MYOM1: variants seen among roughly 807,000 people sequenced by gnomAD.
MYOM1 encodes myomesin 1, also known as myomesin-1.
Under a neutral mutation model 205.3 loss-of-function variants are expected in MYOM1, and 164 were observed. The observed-to-expected ratio is 0.80, with a 90% CI of 0.70 to 0.91. The LOEUF (loss-of-function observed/expected upper bound fraction) is 0.91. MYOM1 is among the 40% of genes least tolerant of loss of function. The pLI is 0.00. For synonymous variants in MYOM1, 772 were observed against 789.4 expected (o/e 0.98, Z 0.37); for missense variants, 2,011 against 2,127.3 (o/e 0.95, Z 1.08).
intron 22 of MYOM1, among the ~76,000 whole-genome samples, chr18:3,104,264 C>T (rs1425846907): frequency 6.6e-6 from 1 of 152,076 alleles, no homozygotes; most frequent in Non-Finnish European, 1.5e-5. Flanking sequence ...GTGACTGAGT[C>T]ACAGAAAGAA....
At position 3,089,227 on chromosome 18, in the gene MYOM1, C is replaced by T. The variant is rs764467818; in HGVS notation, c.4084G>A (p.Glu1362Lys). 1 of 1,611,496 alleles carries T rather than the reference C, an allele frequency of 6.2e-7. No homozygotes were observed. The highest frequency in any genetic ancestry group is 1.1e-5 in the South Asian group (1 of 90,796). Residue 1362 changes from glutamate to lysine, a missense_variant, in exon 29 of 38, where the codon GAG becomes AAG. Transcript: ENST00000356443. ...WIRKQGPHFV[E>K]YLSWEVTGEC... ...CCAGTCACTTCCCAGCTCAAATACT[C>T]AACAAAGTGAGGACCTATAAAATTT...
Position 3,100,424 on chromosome 18 carries a change from G to A in MYOM1, c.3578C>T (p.Thr1193Met), listed in dbSNP as rs755768408. 87 of 1,611,832 alleles carry A rather than the reference G, an allele frequency of 5.4e-5. No individual in the cohort carries two copies. The highest frequency in any genetic ancestry group is 6.7e-5 in the Admixed American group (4 of 59,878). Reference protein sequence around the residue: ...RLEVESKGNKTKMTFKDLGMD... With the variant: ...RLEVESKGNKMKMTFKDLGMD... ...CCCAAGGTCTTTGAAGGTCATTTTC[G>A]TCCTTCGGAACAAAATATTTTTCTT... The change falls in exon 24 of 38, where the codon ACG (threonine) becomes ATG (methionine). Residue 1193 changes from threonine to methionine, a missense_variant and splice_region_variant. Physicochemically the swap from Thr to Met is moderately conservative, Grantham distance 81. Coordinates refer to ENST00000356443, the MANE Select transcript of MYOM1 (RefSeq NM_003803.4).
chr18:3,152,015 G>A lies in MYOM1; in HGVS notation c.1644-122C>T, dbSNP rs889891269. 3.3e-5 allele frequency: 32 copies of A among 979,368 alleles called. No individual in the cohort carries two copies. The highest frequency in any genetic ancestry group is 2.8e-4 in the African/African-American group (17 of 61,152). The allele number at this position is 979,368 out of a possible 1,614,324, so 60.7% of individuals were successfully genotyped here. On this transcript the variant is annotated intron_variant, in intron 11 of 37. Transcript: ENST00000356443. The surrounding 1 kb of genome is among the most constrained non-coding windows in gnomAD (Gnocchi z 4.3). ...TCCCTATAAAATATCCAAGTCAGGCGTGGCTCGCTACCTGGTGAACTGCAT... is the reference window on the plus strand; with the variant it reads ...TCCCTATAAAATATCCAAGTCAGGCATGGCTCGCTACCTGGTGAACTGCAT...
chr18:3,184,221 T>A (rs1301282919), intron 5 of MYOM1, among the ~76,000 whole-genome samples: 1 of 152,090 alleles, frequency 6.6e-6, no homozygotes, highest in Non-Finnish European at 1.5e-5. Flanking sequence ...AATGACTTTT[T>A]AAAAACATGC....
chr18:3,109,282 C>A (rs1361313666), intron 22 of MYOM1, among the ~76,000 whole-genome samples: 1 of 152,182 alleles, frequency 6.6e-6, no homozygotes, highest in Non-Finnish European at 1.5e-5. Context: ...CGTACCTAGC[C>A]AAATTTTCTC....
At chr18:3,078,599 T>G (rs1236802526) in intron 34 of MYOM1, among the ~76,000 whole-genome samples, 2 of 152,056 alleles carry the variant, frequency 1.3e-5, no homozygotes, top group African/African-American at 4.8e-5. Flanking sequence ...TTGGCTAATT[T>G]CTTAAAATTT....
intron 36 of MYOM1, 59 bp from the exon 37 acceptor site, chr18:3,071,948 A>C: frequency 6.9e-6 from 10 of 1,441,044 alleles, no homozygotes; most frequent in Admixed American, 1.9e-5. Flanking sequence ...GGTCATACTC[A>C]CAAAACCACC....
intron 2 of MYOM1, among the ~76,000 whole-genome samples, chr18:3,205,716 T>C (rs982776955): frequency 1.3e-5 from 2 of 152,228 alleles, no homozygotes; most frequent in African/African-American, 4.8e-5. Context: ...TTTCAGAAAG[T>C]GCACGAGAAA....
rs368489143 is a variant in MYOM1 at position 3,169,689 on chromosome 18, G to A, written c.1175-708C>T. ...TGTGGAGACAAGGAAACCCTCTTAC[G>A]CTGTTGGTGGGAACGTAAATTAGTA... On this transcript the variant is annotated intron_variant, in intron 8 of 37. Coordinates refer to ENST00000356443, the MANE Select transcript of MYOM1 (RefSeq NM_003803.4). 9.6e-4 allele frequency among the ~76,000 whole-genome samples: 146 copies of A among 152,260 alleles called. No individual in the cohort carries two copies. The South Asian group carries it at 0.023, about 24-fold the overall frequency.
intron 25 of MYOM1, among the ~76,000 whole-genome samples, chr18:3,099,404 T>C (rs9955413): frequency 0.37 from 56,628 of 152,148 alleles, 11,674 homozygotes; most frequent in Admixed American, 0.51. Context: ...GGAGGATTTA[T>C]ATTTTAAGTA....
chr18:3,119,999 C>A lies in MYOM1; in HGVS notation c.2992-4G>T. On this transcript the variant is annotated splice_polypyrimidine_tract_variant and splice_region_variant and intron_variant, in intron 19 of 37. Transcript: ENST00000356443. ...TGTTTTCCTTCAAGTTGCTAATCTGCAACATTGACAACATCACAGATACTG... is the reference window on the plus strand; with the variant it reads ...TGTTTTCCTTCAAGTTGCTAATCTGAAACATTGACAACATCACAGATACTG... 1 of 1,585,536 alleles carries A rather than the reference C, an allele frequency of 6.3e-7. No homozygotes were observed. Among genetic ancestry groups the A allele is most frequent in the Non-Finnish European group, 8.6e-7 (1 of 1,165,058 alleles).
intron 35 of MYOM1, 50 bp from the exon 36 acceptor site, chr18:3,075,526 T>C (rs765293297): frequency 6.3e-7 from 1 of 1,581,830 alleles, no homozygotes; most frequent in East Asian, 2.2e-5. Context: ...GTGTTAGTGT[T>C]ACTTCAAAGT....
intron 21 of MYOM1, among the ~76,000 whole-genome samples, chr18:3,116,058 A>G (rs2079600206): frequency 6.6e-6 from 1 of 152,188 alleles, no homozygotes; most frequent in South Asian, 2.1e-4. Flanking sequence ...AAAAATGTGT[A>G]GTGGGTAAGT....
chr18:3,215,041 G>C lies in MYOM1; in HGVS notation c.183C>G (p.Phe61Leu). Reference protein sequence around the residue: ...SAAHRRESEAFRRASASSSQQ... With the variant: ...SAAHRRESEALRRASASSSQQ... ...GGGAGGAGGAGGCGGACGCCCGACG[G>C]AAGGCCTCGGACTCCCGGCGGTGCG... The change falls in exon 2 of 38, where the codon TTC (phenylalanine) becomes TTG (leucine). Residue 61 changes from phenylalanine to leucine, a missense_variant. By Grantham distance (22) the Phe-to-Leu change is conservative (BLOSUM62 0). Transcript: ENST00000356443. 6.2e-7 allele frequency: 1 copy of C among 1,612,992 alleles called. No homozygotes were observed. Among genetic ancestry groups the C allele is most frequent in the Admixed American group, 1.7e-5 (1 of 59,978 alleles).
intron 10 of MYOM1, among the ~76,000 whole-genome samples, chr18:3,158,720 C>T (rs1408123304): frequency 6.6e-6 from 1 of 151,952 alleles, no homozygotes; most frequent in Admixed American, 6.6e-5. Flanking sequence ...CTCAAGCTCT[C>T]CTCCCTCTTC....
In MYOM1 at chr18:3,216,224, G is replaced by A. The variant is rs116590721; in HGVS notation, c.-28-973C>T. Among the ~76,000 whole-genome samples, 546 of 152,298 alleles carry A rather than the reference G, an allele frequency of 3.6e-3. 4 individuals are homozygous for A. Among genetic ancestry groups the A allele is most frequent in the African/African-American group, 0.012 (519 of 41,552 alleles). Reference sequence around the variant, plus strand: ...GGAGTTTGCAGTGAGCCGAGGTTGCGCCACTGCACTCCATACTGGGCAACA... The same window carrying A: ...GGAGTTTGCAGTGAGCCGAGGTTGCACCACTGCACTCCATACTGGGCAACA... On this transcript the variant is annotated intron_variant, in intron 1 of 37. Coordinates refer to ENST00000356443, the MANE Select transcript of MYOM1 (RefSeq NM_003803.4).
chr18:3,206,997 G>GT (rs143041934), intron 2 of MYOM1, among the ~76,000 whole-genome samples: 23,615 of 150,240 alleles, frequency 0.16, 1,833 homozygotes, highest in East Asian at 0.22. Context: ...CTCACTTTCA[G>GT]TTTTTTTTAA....
At chr18:3,175,015 T>C (rs1019843015) in intron 6 of MYOM1, among the ~76,000 whole-genome samples, 4 of 152,228 alleles carry the variant, frequency 2.6e-5, no homozygotes, top group African/African-American at 9.6e-5. Context: ...TGTTCTTCAT[T>C]GTTTCTCGGG....
At chr18:3,101,213 T>C (rs2079371168) in intron 23 of MYOM1, among the ~76,000 whole-genome samples, 1 of 152,228 alleles carries the variant, frequency 6.6e-6, no homozygotes, top group Non-Finnish European at 1.5e-5. Context: ...TACAGCAAAA[T>C]TGCTAGTTTT....
Sources: gnomAD v4.1 joint callset for allele counts (sites outside exome capture counted in the v4.1 genomes callset) on GRCh38, gnomAD v4.1.1 for gene constraint, Gnocchi (gnomAD v3.1) non-coding constraint, MANE v1.5 for transcripts, NCBI Gene and HGNC (gene_info 2026-07-23, HGNC 2026-07-21) for gene names.